Variants in TRPM3 observed in about 807,000 individuals in gnomAD.
The protein encoded by TRPM3 is transient receptor potential cation channel subfamily M member 3.
A neutral mutation model predicts 181.2 loss-of-function variants in TRPM3; 77 were observed. The ratio of observed to expected loss-of-function variants is 0.42; its 90% CI spans 0.35 to 0.51. The LOEUF is 0.51. Among genes scored for constraint, TRPM3 ranks in the 20% least tolerant of loss-of-function variants. The pLI, the probability that TRPM3 is intolerant of heterozygous loss-of-function variation, is 0.01. For synonymous variants in TRPM3, 745 were observed against 796.4 expected, an observed-to-expected ratio of 0.94 and a Z score of 1.09; for missense variants, 1,759 against 2,196.7, an observed-to-expected ratio of 0.80 and a Z score of 3.98.
chr9:70,815,670 A>AT, intron 6 of TRPM3, among the ~76,000 whole-genome samples: 1 of 151,854 alleles, frequency 6.6e-6, no homozygotes, highest in South Asian at 2.1e-4. Context: ...GGATTTTAAT[A>AT]TTTTTCTTTT....
chr9:70,869,913 T>C (rs779786808), intron 1 of TRPM3, among the ~76,000 whole-genome samples: 58 of 152,062 alleles, frequency 3.8e-4, no homozygotes, highest in Admixed American at 6.6e-4. Flanking sequence ...TTTTAGATAA[T>C]AGTATTCTTG....
chr9:70,805,593 G>T (rs7872801), intron 6 of TRPM3, among the ~76,000 whole-genome samples: 42,625 of 149,918 alleles, frequency 0.28, 7,864 homozygotes, highest in African/African-American at 0.52. Flanking sequence ...AGGTGGAAAG[G>T]GTCTTGGAAT....
At chr9:71,055,860 C>T (rs912027585) in intron 1 of TRPM3, among the ~76,000 whole-genome samples, 3 of 151,996 alleles carry the variant, frequency 2.0e-5, no homozygotes, top group African/African-American at 7.2e-5. Flanking sequence ...GGGGACCACC[C>T]CTTTCTCTCT....
chr9:71,234,773 A>C (rs936875070), intron 1 of TRPM3, among the ~76,000 whole-genome samples: 1 of 152,162 alleles, frequency 6.6e-6, no homozygotes, highest in Non-Finnish European at 1.5e-5. Context: ...AATTTGGAGG[A>C]GTGTGCACAC....
chr9:71,375,601 G>A (rs2092647290), intron 1 of TRPM3, among the ~76,000 whole-genome samples: 3 of 152,160 alleles, frequency 2.0e-5, no homozygotes, highest in Non-Finnish European at 2.9e-5. Context: ...TACAGAATGG[G>A]AGAAAGATTT....
At chr9:70,792,132 G>A (rs1423063897) in intron 6 of TRPM3, among the ~76,000 whole-genome samples, 1 of 152,134 alleles carries the variant, frequency 6.6e-6, no homozygotes, top group Non-Finnish European at 1.5e-5. Flanking sequence ...TGCATAGAAG[G>A]CGCAGCCCTG....
rs2040653547 is a variant in TRPM3, at chr9:70,529,946, G to A, written c.*6007C>T. ...TCACCAGTCCAGTTCACACATTTGT[G>A]TTTTCTGGATCCGGCCCCTCCATGT... is the stretch of plus-strand genomic sequence containing the variant. On this transcript the variant is annotated 3_prime_UTR_variant, in exon 26 of 26. Coordinates refer to ENST00000677713, the MANE Select transcript of TRPM3 (RefSeq NM_001366145.2). The A allele has an allele frequency of 6.6e-6, 1 of 152,196 alleles. No individual in the cohort carries two copies. Among genetic ancestry groups the A allele is most frequent in the African/African-American group, 2.4e-5 (1 of 41,438 alleles). 9.4% of individuals were successfully genotyped at this position (152,196 alleles called of 1,614,324 possible). A position where few individuals can be genotyped will look rare whatever the true frequency, so the allele number is the denominator to read the frequency against.
At chr9:70,609,229 CT>C (rs2061661292) in intron 19 of TRPM3, among the ~76,000 whole-genome samples, 1 of 152,172 alleles carries the variant, frequency 6.6e-6, no homozygotes, top group Non-Finnish European at 1.5e-5. Context: ...CCCACCCAGG[CT>C]GTCTGATTCC....
In TRPM3 at chr9:71,290,651, T is replaced by C. The variant is rs181866390; in HGVS notation, c.183+156002A>G. Among the ~76,000 whole-genome samples, 27 of 152,132 alleles carry C rather than the reference T, an allele frequency of 1.8e-4. No homozygotes were observed. The East Asian group carries it at 4.6e-3, about 26-fold the overall frequency. On this transcript the variant is annotated intron_variant, in intron 1 of 24. Coordinates refer to the TRPM3 transcript ENST00000357533. Reference sequence around the variant, plus strand: ...GTATAGACACATGCTCAAAATAATATAGAAAAATAAAACAGGTCTCATTTA... The same window carrying C: ...GTATAGACACATGCTCAAAATAATACAGAAAAATAAAACAGGTCTCATTTA...
At chr9:71,165,505 C>A (rs1033643832) in intron 1 of TRPM3, among the ~76,000 whole-genome samples, 6 of 152,070 alleles carry the variant, frequency 3.9e-5, no homozygotes, top group African/African-American at 1.4e-4. Flanking sequence ...TTTTATATTA[C>A]AACTAAGGTC....
chr9:71,324,820 T>C (rs1321770340), intron 1 of TRPM3, among the ~76,000 whole-genome samples: 4 of 152,024 alleles, frequency 2.6e-5, no homozygotes, highest in Non-Finnish European at 5.9e-5. Context: ...TAAAGTAACA[T>C]GGATGGAATA....
At chr9:71,260,039 T>C (rs2132066430) in intron 1 of TRPM3, among the ~76,000 whole-genome samples, 1 of 152,300 alleles carries the variant, frequency 6.6e-6, no homozygotes, top group Non-Finnish European at 1.5e-5. Context: ...CTTTAATCCA[T>C]CTTGAGTTAA....
intron 20 of TRPM3, among the ~76,000 whole-genome samples, chr9:70,599,127 C>T (rs2059464503): frequency 6.6e-6 from 1 of 152,096 alleles, no homozygotes; most frequent in African/African-American, 2.4e-5. Context: ...TACTTCTCAC[C>T]ACCTCCACTG....
At chr9:70,781,981 G>A (rs1490349314) in intron 7 of TRPM3, among the ~76,000 whole-genome samples, 2 of 151,502 alleles carry the variant, frequency 1.3e-5, no homozygotes, top group Admixed American at 1.3e-4. Flanking sequence ...TTTTCCATGA[G>A]TTTTCTGAAA....
chr9:70,840,837 G>A (rs2094584234), intron 5 of TRPM3, among the ~76,000 whole-genome samples: 1 of 151,996 alleles, frequency 6.6e-6, no homozygotes, highest in South Asian at 2.1e-4. Context: ...GGCAACTAAG[G>A]AAATTATTTA....
At chr9:71,369,051 T>C (rs1195942926) in intron 1 of TRPM3, among the ~76,000 whole-genome samples, 3 of 152,074 alleles carry the variant, frequency 2.0e-5, no homozygotes, top group African/African-American at 7.2e-5. Flanking sequence ...ATACATATAT[T>C]GCAAAAGAAT....
chr9:71,198,048 A>G (rs1473959400), intron 1 of TRPM3, among the ~76,000 whole-genome samples: 3 of 149,646 alleles, frequency 2.0e-5, no homozygotes, highest in Non-Finnish European at 3.0e-5. Context: ...TAATTTTTGT[A>G]TAAGGTGTAA....
intron 8 of TRPM3, among the ~76,000 whole-genome samples, chr9:70,689,879 A>G (rs534468336): frequency 1.3e-5 from 2 of 152,314 alleles, no homozygotes; most frequent in South Asian, 2.1e-4. Context: ...GACATAGTAT[A>G]TGTGGCTGAG....
intron 1 of TRPM3, among the ~76,000 whole-genome samples, chr9:71,356,749 TTC>T: frequency 6.6e-6 from 1 of 152,308 alleles, no homozygotes; most frequent in African/African-American, 2.4e-5. Context: ...TTCTGCCATT[TTC>T]TGTTTATTAT....
Sources: gnomAD v4.1 joint callset for allele counts (sites outside exome capture counted in the v4.1 genomes callset) on GRCh38, gnomAD v4.1.1 for gene constraint, MANE v1.5 for transcripts, NCBI Gene and HGNC (gene_info 2026-07-23, HGNC 2026-07-21) for gene names.